Variants in SVIL observed in about 807,000 individuals in gnomAD.
SVIL encodes archvillin.
A neutral mutation model predicts 240.4 loss-of-function variants in SVIL; 101 were observed. The ratio of observed to expected loss-of-function variants is 0.42; its 90% CI spans 0.36 to 0.50. The LOEUF (loss-of-function observed/expected upper bound fraction) is 0.50, where lower values mean the gene tolerates loss of function less well. Ranked by LOEUF, SVIL falls within the 20% of genes least tolerant of loss-of-function variation. SVIL has a pLI of 0.01. For synonymous variants in SVIL, 999 were observed against 1,100.0 expected (o/e 0.91, Z 1.82); for missense variants, 2,512 against 2,818.7 (o/e 0.89, Z 2.46).
intron 3 of SVIL, among the ~76,000 whole-genome samples, chr10:29,651,015 C>T (rs1025898730): frequency 9.2e-5 from 14 of 152,158 alleles, no homozygotes; most frequent in Admixed American, 7.2e-4. Flanking sequence ...TTTGAAAAAG[C>T]ACATTAGTAA....
chr10:29,499,375 A>G lies in SVIL; in HGVS notation c.3517-112T>C, dbSNP rs971802715. On this transcript the variant is annotated intron_variant, in intron 17 of 37. Transcript: ENST00000355867. ...AGCAGGTTGACAAAGAGGAGTAAGT[A>G]TATTGTCCAAAGATGTTCAAAAATG... is the stretch of plus-strand genomic sequence containing the variant. The G allele has an allele frequency of 5.5e-5, 76 of 1,377,636 alleles. No homozygotes were observed. In the Middle Eastern group the frequency reaches 9.5e-4, roughly 17 times the overall value. 85.3% of individuals were successfully genotyped at this position (1,377,636 alleles called of 1,614,324 possible).
At chr10:29,464,330 T>C (rs1036534929) in intron 34 of SVIL, among the ~76,000 whole-genome samples, 1 of 152,030 alleles carries the variant, frequency 6.6e-6, no homozygotes, top group African/African-American at 2.4e-5. Flanking sequence ...TCTCCACTAC[T>C]CAGGAAGCTA....
At chr10:29,576,197 A>C (rs1407648422) in intron 1 of SVIL, 3 of 841,042 alleles carry the variant, frequency 3.6e-6, no homozygotes, top group East Asian at 2.5e-4. Flanking sequence ...GACACTCATA[A>C]GAATGACAAT....
chr10:29,480,480 C>G, intron 29 of SVIL, 57 bp downstream of exon 29: 1 of 1,590,258 alleles, frequency 6.3e-7, no homozygotes, highest in South Asian at 1.1e-5. Flanking sequence ...AGCTGGCTCC[C>G]GCAGGGCTGC....
intron 17 of SVIL, among the ~76,000 whole-genome samples, chr10:29,499,575 C>T (rs1267356885): frequency 6.6e-6 from 1 of 152,152 alleles, no homozygotes; most frequent in African/African-American, 2.4e-5. Flanking sequence ...TTTTCATGCC[C>T]TGGACTCTAC....
chr10:29,581,395 G>A (rs369931706), intron 1 of SVIL, among the ~76,000 whole-genome samples: 7 of 152,302 alleles, frequency 4.6e-5, no homozygotes, highest in South Asian at 2.1e-4. Context: ...GATGCTCTGT[G>A]AATTTTGGTT....
At chr10:29,602,277 G>C (rs1956840402) in intron 1 of SVIL, 1 of 533,584 alleles carries the variant, frequency 1.9e-6, no homozygotes, top group Admixed American at 1.9e-5. Flanking sequence ...GGCATACCAA[G>C]TTCTTAAAGG....
intron 1 of SVIL, among the ~76,000 whole-genome samples, chr10:29,608,355 C>A (rs1035878718): frequency 2.0e-5 from 3 of 152,246 alleles, no homozygotes; most frequent in African/African-American, 7.2e-5. Flanking sequence ...TGTGAGGACG[C>A]CAGCTGCAGT....
At chr10:29,718,491 G>C (rs1046442442) in intron 1 of SVIL, among the ~76,000 whole-genome samples, 7 of 152,120 alleles carry the variant, frequency 4.6e-5, no homozygotes, top group Non-Finnish European at 8.8e-5. Flanking sequence ...AAGTTTCTTA[G>C]AAATGTAGAG....
chr10:29,711,579 G>A (rs1402266382), intron 1 of SVIL, among the ~76,000 whole-genome samples: 1 of 152,080 alleles, frequency 6.6e-6, no homozygotes, highest in South Asian at 2.1e-4. Flanking sequence ...TGGCCAACAT[G>A]GTGAAACTCC....
intron 1 of SVIL, among the ~76,000 whole-genome samples, chr10:29,704,504 C>T (rs1343589070): frequency 1.3e-5 from 2 of 152,134 alleles, no homozygotes; most frequent in African/African-American, 2.4e-5. Context: ...TCAAGTGATT[C>T]TCCCACTTCA....
At chr10:29,617,787 T>A (rs1447255470) in intron 1 of SVIL, among the ~76,000 whole-genome samples, 1 of 152,168 alleles carries the variant, frequency 6.6e-6, no homozygotes, top group Non-Finnish European at 1.5e-5. Flanking sequence ...ATTACACTTT[T>A]CTCAAATTAG....
At chr10:29,610,139 A>G (rs1957187044) in intron 1 of SVIL, among the ~76,000 whole-genome samples, 1 of 152,008 alleles carries the variant, frequency 6.6e-6, no homozygotes, top group Admixed American at 6.5e-5. Context: ...GTTTGTCCCA[A>G]TTTTATCTCT....
intron 17 of SVIL, among the ~76,000 whole-genome samples, chr10:29,510,225 A>G (rs1167434053): frequency 6.6e-6 from 1 of 152,202 alleles, no homozygotes; most frequent in African/African-American, 2.4e-5. Flanking sequence ...AAGACCTAAA[A>G]TGAGATGCTG....
chr10:29,645,655 T>C (rs1958631938), intron 3 of SVIL, among the ~76,000 whole-genome samples: 1 of 152,188 alleles, frequency 6.6e-6, no homozygotes, highest in Non-Finnish European at 1.5e-5. Flanking sequence ...AAAAAATTAT[T>C]AGACAGTAGG....
chr10:29,518,806 C>T lies in SVIL; in HGVS notation c.3389+3604G>A, dbSNP rs188836759. 7.9e-3 allele frequency among the ~76,000 whole-genome samples: 1,205 copies of T among 151,808 alleles called. 20 individuals are homozygous for T. The highest frequency in any genetic ancestry group is 0.027 in the African/African-American group (1,116 of 41,386). On this transcript the variant is annotated intron_variant, in intron 16 of 37. Coordinates refer to ENST00000355867, the MANE Select transcript of SVIL (RefSeq NM_021738.3). ...GGGAGGCGGAGGTTGTAGTGAGCCG[C>T]GATCGTGCCTCTGCACTCCAGCCTG...
At chr10:29,686,321 A>G (rs1232794448) in intron 2 of SVIL, among the ~76,000 whole-genome samples, 1 of 152,210 alleles carries the variant, frequency 6.6e-6, no homozygotes, top group Non-Finnish European at 1.5e-5. Flanking sequence ...AAAGGAGTCA[A>G]CTGCTTTGAT....
chr10:29,627,641 T>C (rs1957925802), intron 1 of SVIL, among the ~76,000 whole-genome samples: 1 of 152,210 alleles, frequency 6.6e-6, no homozygotes, highest in African/African-American at 2.4e-5. Context: ...AACTTCCTTT[T>C]GAAATATTTA....
At chr10:29,465,572 T>A in intron 34 of SVIL, 23 bp downstream of exon 34, 1 of 1,587,118 alleles carries the variant, frequency 6.3e-7, no homozygotes, top group Non-Finnish European at 8.6e-7. Flanking sequence ...CTGCTCAGCA[T>A]AGCTGCCCCC....
Sources: allele counts gnomAD v4.1 joint callset (sites outside exome capture counted in the v4.1 genomes callset), GRCh38; gene constraint gnomAD v4.1.1; transcripts MANE v1.5; gene names NCBI Gene and HGNC (gene_info 2026-07-23, HGNC 2026-07-21).